The following SHB variants were observed in gnomAD, a reference collection of about 807,000 sequenced individuals.
The protein encoded by SHB is SH2 domain containing adaptor protein B.
A neutral mutation model predicts 52.3 loss-of-function variants in SHB; 20 were observed. That is an observed-to-expected ratio of 0.38 (90% CI 0.27 to 0.56). The LOEUF (loss-of-function observed/expected upper bound fraction) is 0.56. SHB is among the 20% of genes least tolerant of loss of function. The pLI is 0.71. For synonymous variants in SHB, 397 were observed against 316.5 expected (o/e 1.25, Z -2.70); for missense variants, 825 against 723.3 (o/e 1.14, Z -1.61).
rs1194294518 is a variant in SHB at position 38,024,222 on chromosome 9, G to A, written c.718-8091C>T. 5.9e-5 allele frequency among the ~76,000 whole-genome samples: 9 copies of A among 152,258 alleles called. No homozygotes were observed. The East Asian group carries it at 9.7e-4, about 16-fold the overall frequency. Reference sequence around the variant, plus strand: ...ATGTGGCAACACAGTCCTCTGGGACGGCCATCACCACTAAAGTGTCTTCCC... The same window carrying A: ...ATGTGGCAACACAGTCCTCTGGGACAGCCATCACCACTAAAGTGTCTTCCC... On this transcript the variant is annotated intron_variant, in intron 1 of 5. Coordinates refer to ENST00000377707, the MANE Select transcript of SHB (RefSeq NM_003028.3).
chr9:37,996,457 G>T (rs1820947233), intron 2 of SHB, among the ~76,000 whole-genome samples: 1 of 152,228 alleles, frequency 6.6e-6, no homozygotes, highest in Non-Finnish European at 1.5e-5. Flanking sequence ...GCAGAATTCT[G>T]TGATCATGTA....
At chr9:37,961,283 T>C (rs531562997) in intron 3 of SHB, among the ~76,000 whole-genome samples, 3 of 152,170 alleles carry the variant, frequency 2.0e-5, no homozygotes, top group Non-Finnish European at 4.4e-5. Flanking sequence ...CTCCAGTCTC[T>C]TGTCTGCCCC....
chr9:37,988,423 C>T (rs1820838091), intron 2 of SHB, among the ~76,000 whole-genome samples: 2 of 152,134 alleles, frequency 1.3e-5, no homozygotes, highest in Admixed American at 6.5e-5. Flanking sequence ...ACACCGGCTT[C>T]TTCTTGTAAC....
intron 1 of SHB, among the ~76,000 whole-genome samples, chr9:38,038,398 A>C (rs2118132022): frequency 6.6e-6 from 1 of 152,126 alleles, no homozygotes; most frequent in Non-Finnish European, 1.5e-5. Context: ...CCCTTCCCTA[A>C]CACCCAGGGA....
In SHB at chr9:37,917,817, C is replaced by T. The variant is rs1486979456; in HGVS notation, c.*2004G>A. 6.6e-6 allele frequency among the ~76,000 whole-genome samples: 1 copy of T among 152,246 alleles called. No homozygotes were observed. The highest frequency in any genetic ancestry group is 1.5e-5 in the Non-Finnish European group (1 of 68,042). The stretch of plus-strand genomic sequence containing the variant: ...TTAAGAGATTAAACCCAGGCCACAG[C>T]CAGCGTGGTCTCTATGAGGGCTGGG... On this transcript the variant is annotated 3_prime_UTR_variant, in exon 6 of 6. Transcript: ENST00000377707.
chr9:37,932,759 G>A (rs1832328380), intron 5 of SHB, among the ~76,000 whole-genome samples: 1 of 152,112 alleles, frequency 6.6e-6, no homozygotes, highest in Non-Finnish European at 1.5e-5. Flanking sequence ...GACAACAGGG[G>A]TGTGCCACCA....
At chr9:38,019,034 C>G (rs910187983) in intron 1 of SHB, among the ~76,000 whole-genome samples, 1 of 152,242 alleles carries the variant, frequency 6.6e-6, no homozygotes, top group African/African-American at 2.4e-5. Context: ...CCAGCCGGGA[C>G]TCCTCTGCAG....
chr9:38,002,960 T>A (rs575473965), intron 2 of SHB, among the ~76,000 whole-genome samples: 1 of 152,308 alleles, frequency 6.6e-6, no homozygotes, highest in South Asian at 2.1e-4. Flanking sequence ...AGAAACTTTT[T>A]ATTAGTACGG....
chr9:37,947,369 T>C (rs1395937192), intron 5 of SHB, among the ~76,000 whole-genome samples: 1 of 152,254 alleles, frequency 6.6e-6, no homozygotes, highest in Non-Finnish European at 1.5e-5. Flanking sequence ...CTGCTCTGGC[T>C]ATTAGGAAAC....
intron 1 of SHB, among the ~76,000 whole-genome samples, chr9:38,053,224 T>A (rs1821774095): frequency 6.6e-6 from 1 of 151,788 alleles, no homozygotes; most frequent in South Asian, 2.1e-4. Context: ...CCTCAGTTTC[T>A]CCATCTGCAA....
chr9:38,022,932 G>T (rs186515665), intron 1 of SHB, among the ~76,000 whole-genome samples: 459 of 152,312 alleles, frequency 3.0e-3, no homozygotes, highest in African/African-American at 0.01. Context: ...GCTTTGGGGG[G>T]AAGGTCAGCT....
At chr9:38,064,090 TCA>T (rs1821931108) in intron 1 of SHB, among the ~76,000 whole-genome samples, 1 of 151,626 alleles carries the variant, frequency 6.6e-6, no homozygotes, top group African/African-American at 2.4e-5. Context: ...TCTTTTGTCA[TCA>T]TTTTTTTTTT....
intron 3 of SHB, among the ~76,000 whole-genome samples, chr9:37,964,969 A>G (rs1832732749): frequency 6.6e-6 from 1 of 152,206 alleles, no homozygotes; most frequent in South Asian, 2.1e-4. Flanking sequence ...CACGTCTGAT[A>G]CAGTATGTCT....
intron 2 of SHB, among the ~76,000 whole-genome samples, chr9:37,998,403 G>A (rs1237069672): frequency 6.6e-6 from 1 of 152,114 alleles, no homozygotes; most frequent in African/African-American, 2.4e-5. Context: ...TCTCTGCATC[G>A]CCTGTTTTCA....
At chr9:38,054,142 C>G (rs1821783724) in intron 1 of SHB, among the ~76,000 whole-genome samples, 1 of 152,242 alleles carries the variant, frequency 6.6e-6, no homozygotes, top group African/African-American at 2.4e-5. Context: ...GATTTGAGCT[C>G]TGGACTTCCG....
At chr9:37,950,217 G>A (rs980169311) in intron 4 of SHB, among the ~76,000 whole-genome samples, 4 of 151,864 alleles carry the variant, frequency 2.6e-5, no homozygotes, top group African/African-American at 4.8e-5. Context: ...GATTACAGGC[G>A]TGAGCCATTG....
chr9:37,958,864 T>C (rs930850028), intron 3 of SHB, among the ~76,000 whole-genome samples: 10 of 151,230 alleles, frequency 6.6e-5, no homozygotes, highest in African/African-American at 2.4e-4. Flanking sequence ...GGACAGGGGG[T>C]TGGGAGAAGG....
At chr9:38,003,911 G>C (rs960995628) in intron 2 of SHB, among the ~76,000 whole-genome samples, 1 of 152,226 alleles carries the variant, frequency 6.6e-6, no homozygotes, top group East Asian at 1.9e-4. Flanking sequence ...GTGGGGTGGT[G>C]AGGCTGTTGC....
At chr9:37,974,579 G>A (rs373697924) in intron 3 of SHB, 43 bp downstream of exon 3, 165 of 1,504,722 alleles carry the variant, frequency 1.1e-4, no homozygotes, top group South Asian at 5.4e-4. Flanking sequence ...AGTGCTGAGC[G>A]CAGCTCAGCA....
Sources: allele counts gnomAD v4.1 joint callset (sites outside exome capture counted in the v4.1 genomes callset), GRCh38; gene constraint gnomAD v4.1.1; transcripts MANE v1.5; gene names NCBI Gene and HGNC (gene_info 2026-07-23, HGNC 2026-07-21).